NRXN3: variants seen among roughly 807,000 people sequenced by gnomAD.
The protein encoded by NRXN3 is neurexin 3.
Under a neutral mutation model 137.6 loss-of-function variants are expected in NRXN3, and 32 were observed. That is an observed-to-expected ratio of 0.23 (90% confidence interval 0.18 to 0.31). The LOEUF is 0.31. Ranked by LOEUF, NRXN3 falls within the 10% of genes least tolerant of loss-of-function variation. NRXN3 has a pLI of 1.00. For synonymous variants in NRXN3, 798 were observed against 784.5 expected, an observed-to-expected ratio of 1.02 and a Z score of -0.29; for missense variants, 1,574 against 2,062.5, an observed-to-expected ratio of 0.76 and a Z score of 4.59.
chr14:78,227,225 G>T (rs768966637), intron 1 of NRXN3, among the ~76,000 whole-genome samples: 7 of 152,140 alleles, frequency 4.6e-5, no homozygotes, highest in Non-Finnish European at 1.0e-4. Context: ...ATATATGACA[G>T]AAATATGGGA....
At chr14:79,464,261 T>C (rs1298096540) in intron 15 of NRXN3, among the ~76,000 whole-genome samples, 1 of 152,186 alleles carries the variant, frequency 6.6e-6, no homozygotes, top group Non-Finnish European at 1.5e-5. Flanking sequence ...CCAGGTACTT[T>C]GTATCTTTTA....
intron 20 of NRXN3, among the ~76,000 whole-genome samples, chr14:79,847,425 G>T (rs1306596325): frequency 6.6e-6 from 1 of 151,818 alleles, no homozygotes; most frequent in African/African-American, 2.4e-5. Context: ...TCCTTTTTTG[G>T]CAAGAGAACA....
At chr14:78,278,577 CTCT>C in intron 2 of NRXN3, 65 bp from the exon 3 acceptor site, 3 of 1,226,746 alleles carry the variant, frequency 2.4e-6, no homozygotes, top group Non-Finnish European at 3.5e-6. Flanking sequence ...GCTGCTAACA[CTCT>C]TCTTCCTTTT....
chr14:79,632,775 G>T (rs2098368378), intron 16 of NRXN3, among the ~76,000 whole-genome samples: 1 of 151,964 alleles, frequency 6.6e-6, no homozygotes, highest in Non-Finnish European at 1.5e-5. Flanking sequence ...ATAAAACCAA[G>T]ATTTTAAAAT....
chr14:78,302,178 T>C (rs1442482587), intron 4 of NRXN3, among the ~76,000 whole-genome samples: 1 of 152,122 alleles, frequency 6.6e-6, no homozygotes, highest in Non-Finnish European at 1.5e-5. Flanking sequence ...TCTGTCTCTG[T>C]CTCCTTGTCT....
chr14:78,627,366 A>G (rs1455833952), intron 4 of NRXN3, among the ~76,000 whole-genome samples: 1 of 152,180 alleles, frequency 6.6e-6, no homozygotes, highest in African/African-American at 2.4e-5. Flanking sequence ...TAGAGGCTAC[A>G]CTGTTGCAGT....
At chr14:79,237,282 A>G (rs1428348447) in intron 15 of NRXN3, among the ~76,000 whole-genome samples, 1 of 152,148 alleles carries the variant, frequency 6.6e-6, no homozygotes, top group Non-Finnish European at 1.5e-5. Context: ...TATTTAAAGT[A>G]TTGTAAGGAC....
rs1047961138 is a variant in NRXN3 at position 78,957,095 on chromosome 14, G to A, written c.2276-147G>A. 9 of 765,720 alleles carry A rather than the reference G, an allele frequency of 1.2e-5. No homozygotes were observed. In the African/African-American group the frequency reaches 1.4e-4, roughly 12 times the overall value. 47.4% of individuals were successfully genotyped at this position (765,720 alleles called of 1,614,324 possible). On this transcript the variant is annotated intron_variant, in intron 10 of 20. Coordinates refer to ENST00000335750, the MANE Select transcript of NRXN3 (RefSeq NM_001330195.2). ...GGGGACTCCTACAGAGAATCCACTG[G>A]ATCAGTAAAATTCGAATGGACTTTG...
chr14:79,132,887 A>C (rs987510033), intron 15 of NRXN3, among the ~76,000 whole-genome samples: 4 of 152,208 alleles, frequency 2.6e-5, no homozygotes, highest in Admixed American at 1.3e-4. Flanking sequence ...TCTGACACTA[A>C]CATGACCTTT....
intron 19 of NRXN3, among the ~76,000 whole-genome samples, chr14:79,742,715 A>G (rs947398221): frequency 6.6e-6 from 1 of 152,186 alleles, no homozygotes; most frequent in Non-Finnish European, 1.5e-5. Context: ...AATAGCCCAT[A>G]GTTCACAATG....
At chr14:78,464,905 C>A (rs2095051849) in intron 4 of NRXN3, among the ~76,000 whole-genome samples, 1 of 152,138 alleles carries the variant, frequency 6.6e-6, no homozygotes, top group Non-Finnish European at 1.5e-5. Flanking sequence ...TCTTACTTAT[C>A]CATTATCAAG....
chr14:79,367,526 C>T (rs111765535), intron 15 of NRXN3, among the ~76,000 whole-genome samples: 7 of 152,058 alleles, frequency 4.6e-5, no homozygotes, highest in Admixed American at 1.3e-4. Flanking sequence ...TTCCCAATTC[C>T]GGCTTCAGGG....
chr14:79,091,540 T>G (rs1397300770), intron 15 of NRXN3, among the ~76,000 whole-genome samples: 2 of 152,096 alleles, frequency 1.3e-5, no homozygotes, highest in African/African-American at 4.8e-5. Context: ...AAGTAGCTTA[T>G]CTGAGAGGTT....
At chr14:79,860,175 T>C (rs1200739280) in intron 20 of NRXN3, among the ~76,000 whole-genome samples, 3 of 152,194 alleles carry the variant, frequency 2.0e-5, no homozygotes, top group South Asian at 2.1e-4. Flanking sequence ...TAAACAGATA[T>C]GTTTTTGCCA....
chr14:79,739,159 G>A (rs572369251), intron 19 of NRXN3, among the ~76,000 whole-genome samples: 16 of 152,304 alleles, frequency 1.1e-4, no homozygotes, highest in Admixed American at 8.5e-4. Context: ...GGGTTGAAAT[G>A]AAGGCACGTG....
At chr14:79,715,696 T>A (rs2154056623) in intron 19 of NRXN3, among the ~76,000 whole-genome samples, 1 of 152,318 alleles carries the variant, frequency 6.6e-6, no homozygotes, top group Non-Finnish European at 1.5e-5. Context: ...TTACACATAA[T>A]TATTCAATCA....
chr14:79,735,460 A>G (rs1396427876), intron 19 of NRXN3, among the ~76,000 whole-genome samples: 1 of 152,238 alleles, frequency 6.6e-6, no homozygotes, highest in Non-Finnish European at 1.5e-5. Context: ...CGGGGTTGAC[A>G]TTAGCTTGAA....
At chr14:78,442,182 G>A (rs1255257046) in intron 4 of NRXN3, among the ~76,000 whole-genome samples, 3 of 151,240 alleles carry the variant, frequency 2.0e-5, no homozygotes, top group African/African-American at 7.3e-5. Context: ...CAGGAGAATC[G>A]CTTAAACCTG....
chr14:79,345,069 C>A (rs1402381852), intron 15 of NRXN3, among the ~76,000 whole-genome samples: 3 of 152,148 alleles, frequency 2.0e-5, no homozygotes, highest in Non-Finnish European at 4.4e-5. Context: ...AACAAGAAAA[C>A]ATCTCCAGTT....
Sources: allele counts gnomAD v4.1 joint callset (sites outside exome capture counted in the v4.1 genomes callset), GRCh38; gene constraint gnomAD v4.1.1; transcripts MANE v1.5; gene names NCBI Gene and HGNC (gene_info 2026-07-23, HGNC 2026-07-21).